Variants in MCM9 observed in about 807,000 individuals in gnomAD.
The protein encoded by MCM9 is DNA helicase MCM9.
In MCM9, 55 loss-of-function variants were observed where a neutral mutation model predicts 72.8. That is an observed-to-expected ratio of 0.76 (90% confidence interval 0.61 to 0.95). The LOEUF is 0.95. Ranked by LOEUF, MCM9 falls within the 40% of genes least tolerant of loss-of-function variation. MCM9 has a pLI of 0.00. For missense variants in MCM9, 1,279 were observed against 1,377.0 expected, an observed-to-expected ratio of 0.93 and a Z score of 1.13; for synonymous variants, 480 against 503.4, an observed-to-expected ratio of 0.95 and a Z score of 0.62.
chr6:118,895,462 T>C (rs1230068101), intron 8 of MCM9, among the ~76,000 whole-genome samples: 1 of 152,244 alleles, frequency 6.6e-6, no homozygotes, highest in Non-Finnish European at 1.5e-5. Context: ...GAAGGAAGAC[T>C]TTCTTCAAGA....
chr6:118,866,586 T>C (rs994186139), intron 8 of MCM9, among the ~76,000 whole-genome samples: 8 of 152,170 alleles, frequency 5.3e-5, no homozygotes, highest in African/African-American at 1.9e-4. Flanking sequence ...TAAGATCCAG[T>C]AGAAGAATAG....
At chr6:118,833,519 G>C (rs757353510) in intron 9 of MCM9, among the ~76,000 whole-genome samples, 1 of 152,110 alleles carries the variant, frequency 6.6e-6, no homozygotes, top group African/African-American at 2.4e-5. Flanking sequence ...GCTGAGAGGC[G>C]GAGAAAATCC....
At chr6:118,923,751 G>A (rs1781629919) in intron 4 of MCM9, 60 bp downstream of exon 4, 9 of 1,423,430 alleles carry the variant, frequency 6.3e-6, no homozygotes, top group Non-Finnish European at 7.8e-6. Flanking sequence ...TCCTCCCAAT[G>A]TGCCCATAGC....
At chr6:118,821,872 T>C (rs141297544) in intron 13 of MCM9, among the ~76,000 whole-genome samples, 50 of 152,330 alleles carry the variant, frequency 3.3e-4, no homozygotes, top group African/African-American at 1.2e-3. Flanking sequence ...TTTCAGTAAG[T>C]TGATCTTCAA....
At chr6:118,900,647 G>C in intron 8 of MCM9, 1 of 712,888 alleles carries the variant, frequency 1.4e-6, no homozygotes, top group Non-Finnish European at 2.5e-6. Flanking sequence ...TTTCTGGATT[G>C]CTATGAGAAG....
chr6:118,815,652 T>G lies in MCM9; in HGVS notation c.2604A>C (p.Ala868=). 1 of 1,550,286 alleles carries G rather than the reference T, an allele frequency of 6.5e-7. No homozygotes were observed. The highest frequency in any genetic ancestry group is 8.7e-7 in the Non-Finnish European group (1 of 1,146,912). ...GAGGATGGGAAGGGACTGTGCACTG[T>G]GCAGGCACCCTGGTGCTATTTCTGC... ...KLCRNSTRVP[A]QCTVPSHPQS... is the part of the protein sequence containing the mutation. The change falls in exon 14 of 14, where the codon GCA becomes GCC. Residue 868 remains alanine, a synonymous_variant. Coordinates refer to ENST00000619706, the MANE Select transcript of MCM9 (RefSeq NM_017696.3).
At chr6:118,863,912 AAACT>A (rs1365351466) in intron 8 of MCM9, among the ~76,000 whole-genome samples, 5 of 151,852 alleles carry the variant, frequency 3.3e-5, no homozygotes, top group Non-Finnish European at 7.4e-5. Flanking sequence ...AACAGAAAAC[AAACT>A]AACTAAATAT....
intron 3 of MCM9, among the ~76,000 whole-genome samples, chr6:118,925,518 G>A (rs1371999288): frequency 2.0e-5 from 3 of 152,134 alleles, no homozygotes; most frequent in Non-Finnish European, 4.4e-5. Context: ...TTAACCTACT[G>A]TTACAGGTTA....
chr6:118,863,731 C>G (rs1777044106), intron 8 of MCM9, among the ~76,000 whole-genome samples: 1 of 152,136 alleles, frequency 6.6e-6, no homozygotes, highest in African/African-American at 2.4e-5. Flanking sequence ...CACTCAGGCC[C>G]CTTGCCATGT....
intron 10 of MCM9, 25 bp downstream of exon 10, chr6:118,829,023 G>C (rs1313340486): frequency 2.7e-5 from 42 of 1,543,562 alleles, no homozygotes; most frequent in Non-Finnish European, 3.7e-5. Context: ...CTGTTATTTT[G>C]AATGCTTTGT....
At chr6:118,859,214 G>T (rs1583455580) in intron 8 of MCM9, among the ~76,000 whole-genome samples, 1 of 152,010 alleles carries the variant, frequency 6.6e-6, no homozygotes, top group Admixed American at 6.5e-5. Flanking sequence ...CTTCATGCAA[G>T]AAGAAAAAAT....
At chr6:118,901,089 A>G in intron 8 of MCM9, 1 of 479,302 alleles carries the variant, frequency 2.1e-6, no homozygotes, top group Non-Finnish European at 3.7e-6. Context: ...AGAGATGTTA[A>G]TGTGACGTTT....
intron 8 of MCM9, among the ~76,000 whole-genome samples, chr6:118,890,107 C>T (rs564022676): frequency 2.6e-5 from 4 of 152,196 alleles, no homozygotes; most frequent in Non-Finnish European, 4.4e-5. Flanking sequence ...CCCAGCTTTG[C>T]CTTGGCTGGG....
chr6:118,934,849 AGAAAAACATAACCGC>A (rs1316439639), intron 1 of MCM9, 27 bp downstream of exon 1: 1 of 152,294 alleles, frequency 6.6e-6, no homozygotes, highest in Non-Finnish European at 1.5e-5. Flanking sequence ...GACGAACTGG[AGAAAAACATAACCGC>A]GAAAGGAGGA....
chr6:118,901,240 C>T (rs1779781518), intron 8 of MCM9, among the ~76,000 whole-genome samples: 1 of 152,166 alleles, frequency 6.6e-6, no homozygotes, highest in Non-Finnish European at 1.5e-5. Context: ...AACATGGATT[C>T]AAAATATCTA....
chr6:118,891,854 A>C (rs1778967710), intron 8 of MCM9, among the ~76,000 whole-genome samples: 1 of 152,168 alleles, frequency 6.6e-6, no homozygotes, highest in South Asian at 2.1e-4. Context: ...CAAGTAACCC[A>C]TAGTGAGAAG....
chr6:118,848,091 C>G (rs991924134), intron 9 of MCM9, among the ~76,000 whole-genome samples: 10 of 151,884 alleles, frequency 6.6e-5, no homozygotes, highest in Non-Finnish European at 1.2e-4. Context: ...TGATGATGCC[C>G]TGGCCCTCCC....
chr6:118,878,902 C>G (rs549867009), intron 8 of MCM9, among the ~76,000 whole-genome samples: 1 of 151,940 alleles, frequency 6.6e-6, no homozygotes, highest in East Asian at 1.9e-4. Context: ...ACTAAAAATA[C>G]AAAAATTAGC....
intron 8 of MCM9, among the ~76,000 whole-genome samples, chr6:118,902,351 C>G (rs902704283): frequency 1.3e-5 from 2 of 152,110 alleles, no homozygotes; most frequent in African/African-American, 4.8e-5. Context: ...TATAATCAGT[C>G]ACTCATAAAG....
Sources: gnomAD v4.1 joint callset for allele counts (sites outside exome capture counted in the v4.1 genomes callset) on GRCh38, gnomAD v4.1.1 for gene constraint, MANE v1.5 for transcripts, NCBI Gene and HGNC (gene_info 2026-07-23, HGNC 2026-07-21) for gene names.